The following CFAP57 variants were observed in gnomAD, a reference collection of about 807,000 sequenced individuals.
The protein encoded by CFAP57 is cilia- and flagella-associated protein 57.
In CFAP57, 116 loss-of-function variants were observed where a neutral mutation model predicts 146.8. The ratio of observed to expected loss-of-function variants is 0.79; its 90% CI spans 0.68 to 0.92. The LOEUF (loss-of-function observed/expected upper bound fraction) is 0.92, where lower values mean the gene tolerates loss of function less well. Among genes scored for constraint, CFAP57 ranks in the 40% least tolerant of loss-of-function variants. The probability of loss-of-function intolerance (pLI) is 0.00; values close to 1 mark genes in which losing one functional copy is unlikely to be tolerated. For synonymous variants in CFAP57, 518 were observed against 552.8 expected (o/e 0.94, Z 0.88); for missense variants, 1,377 against 1,527.2 (o/e 0.90, Z 1.64).
At chr1:43,203,969 T>C (rs573322494) in intron 9 of CFAP57, among the ~76,000 whole-genome samples, 2 of 152,342 alleles carry the variant, frequency 1.3e-5, no homozygotes, top group South Asian at 4.1e-4. Flanking sequence ...TACAGTACCA[T>C]ACGTGGGTGC....
At chr1:43,189,976 C>T (rs1420323134) in intron 6 of CFAP57, among the ~76,000 whole-genome samples, 2 of 152,222 alleles carry the variant, frequency 1.3e-5, no homozygotes, top group East Asian at 3.8e-4. Context: ...AAGCACCTCC[C>T]ACCAGGTCCC....
chr1:43,222,768 A>G, intron 15 of CFAP57, 56 bp from the exon 16 acceptor site: 2 of 1,469,666 alleles, frequency 1.4e-6, no homozygotes, highest in Non-Finnish European at 1.8e-6. Flanking sequence ...CCCTGTTGGC[A>G]CAAAGATGTG....
chr1:43,246,316 G>A (rs192456185), intron 22 of CFAP57, among the ~76,000 whole-genome samples: 281 of 152,248 alleles, frequency 1.8e-3, no homozygotes, highest in South Asian at 0.015. Flanking sequence ...TGATACTGGC[G>A]TAAAAACAGA....
chr1:43,214,058 G>A (rs1275684252), intron 11 of CFAP57, among the ~76,000 whole-genome samples: 2 of 151,708 alleles, frequency 1.3e-5, no homozygotes, highest in East Asian at 3.9e-4. Flanking sequence ...GCTAATTTTT[G>A]TATTTTTAGT....
At chr1:43,210,127 C>G (rs775611278) in intron 11 of CFAP57, 8 of 1,608,102 alleles carry the variant, frequency 5.0e-6, no homozygotes, top group Non-Finnish European at 5.1e-6. Flanking sequence ...CAGAGATACA[C>G]CTAAAAATGT....
intron 21 of CFAP57, among the ~76,000 whole-genome samples, chr1:43,237,975 A>G (rs1645767021): frequency 6.6e-6 from 1 of 152,192 alleles, no homozygotes; most frequent in African/African-American, 2.4e-5. Flanking sequence ...AATGACTGTC[A>G]TGTTAAGGGT....
Position 43,206,808 on chromosome 1 carries a change from G to C in CFAP57, c.1631G>C (p.Gly544Ala), listed in dbSNP as rs777350310. ...GAVYEWNLST[G>A]KRETECVLKS... ...GTGTATGAATGGAATCTGTCCACAG[G>C]AAAGAGAGAGACAGAATGCGTGCTC... Residue 544 changes from glycine to alanine, a missense_variant, in exon 10 of 23, where the codon GGA becomes GCA. Coordinates refer to ENST00000372492, the MANE Select transcript of CFAP57 (RefSeq NM_001378189.1). The C allele has an allele frequency of 6.2e-7, 1 of 1,614,172 alleles. No homozygotes were observed. The highest frequency in any genetic ancestry group is 8.5e-7 in the Non-Finnish European group (1 of 1,180,034).
Position 43,186,836 on chromosome 1 carries a change from A to G in CFAP57, c.1099A>G (p.Met367Val). ...TSKNQLYSIT[M>V]SLTEISKGEP... Reference sequence around the variant, plus strand: ...TAAGAACCAACTCTACAGCATCACCATGTCCCTGACAGAGATCAGCAAGGT... The same window carrying G: ...TAAGAACCAACTCTACAGCATCACCGTGTCCCTGACAGAGATCAGCAAGGT... Residue 367 changes from methionine (M) to valine (V), a missense_variant, in exon 6 of 23, where the codon ATG becomes GTG. Coordinates refer to ENST00000372492, the MANE Select transcript of CFAP57 (RefSeq NM_001378189.1). 6.8e-6 allele frequency: 11 copies of G among 1,614,140 alleles called. No homozygotes were observed. The highest frequency in any genetic ancestry group is 9.3e-6 in the Non-Finnish European group (11 of 1,180,012).
At chr1:43,202,200 A>T (rs1471873183) in intron 9 of CFAP57, among the ~76,000 whole-genome samples, 1 of 152,224 alleles carries the variant, frequency 6.6e-6, no homozygotes, top group Non-Finnish European at 1.5e-5. Context: ...TTAAATACAT[A>T]TACTGTGTTA....
At chr1:43,219,340 C>T (rs1456898329) in intron 12 of CFAP57, 42 bp from the exon 13 acceptor site, 1 of 1,532,006 alleles carries the variant, frequency 6.5e-7, no homozygotes, top group Admixed American at 2.0e-5. Context: ...CTGAGTCACC[C>T]TTACTGTCAG....
intron 6 of CFAP57, among the ~76,000 whole-genome samples, chr1:43,190,560 G>A (rs1217103606): frequency 8.6e-5 from 13 of 151,950 alleles, no homozygotes; most frequent in African/African-American, 1.4e-4. Flanking sequence ...GTGAGTCACC[G>A]TGCCCGGCTG....
Position 43,229,254 on chromosome 1 carries a change from C to T in CFAP57, c.3009+2128C>T, listed in dbSNP as rs1418891297. ...GCTAATGGTCAGCTTACTTTCCCCA[C>T]CAGCACACCTGGGGGGACCATTCAT... On this transcript the variant is annotated intron_variant, in intron 18 of 22. Coordinates refer to ENST00000372492, the MANE Select transcript of CFAP57 (RefSeq NM_001378189.1). Among the ~76,000 whole-genome samples, 5 of 149,126 alleles carry T rather than the reference C, an allele frequency of 3.4e-5. 1 individual carries two copies. The highest frequency in any genetic ancestry group is 5.0e-5 in the African/African-American group (2 of 40,004).
chr1:43,236,199 G>A (rs1645681233), intron 21 of CFAP57, among the ~76,000 whole-genome samples: 2 of 151,818 alleles, frequency 1.3e-5, no homozygotes, highest in Non-Finnish European at 2.9e-5. Context: ...AGGGAGTCCT[G>A]TGGATCCAAA....
rs111509672 is a variant in CFAP57 at position 43,185,373 on chromosome 1, A to T, written c.969+17A>T. The T allele has an allele frequency of 6.2e-7, 1 of 1,611,826 alleles. No individual in the cohort carries two copies. Among genetic ancestry groups the T allele is most frequent in the Non-Finnish European group, 8.5e-7 (1 of 1,178,278 alleles). The stretch of plus-strand genomic sequence containing the variant: ...GAAATCAGGGTAAGGCGGGAAGAAA[A>T]AAAAGAAGTAAAATGGGGGTCCTAT... On this transcript the variant is annotated intron_variant, in intron 5 of 22. Coordinates refer to ENST00000372492, the MANE Select transcript of CFAP57 (RefSeq NM_001378189.1).
intron 21 of CFAP57, among the ~76,000 whole-genome samples, chr1:43,236,527 C>T (rs1645697751): frequency 7.7e-6 from 1 of 130,186 alleles, no homozygotes; most frequent in Non-Finnish European, 1.6e-5. Context: ...TGGGGGGTTC[C>T]TGCAAGATTG....
At chr1:43,180,228 TATATATATATAAA>T (rs1645343881) in intron 2 of CFAP57, among the ~76,000 whole-genome samples, 1 of 143,862 alleles carries the variant, frequency 7.0e-6, no homozygotes, top group Admixed American at 7.3e-5. Context: ...ATATTTTATA[TATATATATATAAA>T]ATATATATAC....
rs1195498727 is a variant in CFAP57, at chr1:43,234,136, C to A, written c.3127-143C>A. ...CTGTGTGCCCGTCTAAGTTTCTATG[C>A]CCAGTATGGCCCCTGGCAGTCAGCT... is the stretch of plus-strand genomic sequence containing the variant. On this transcript the variant is annotated intron_variant, in intron 19 of 22. Transcript: ENST00000372492. 8.2e-6 allele frequency: 8 copies of A among 972,978 alleles called. No individual in the cohort carries two copies. The Admixed American group carries it at 9.3e-5, about 11-fold the overall frequency. 60.3% of individuals were successfully genotyped at this position (972,978 alleles called of 1,614,324 possible). A position where few individuals can be genotyped will look rare whatever the true frequency, so the allele number is the denominator to read the frequency against.
Position 43,172,346 on chromosome 1 carries a change from T to G in CFAP57, c.-127T>G. 2.6e-6 allele frequency: 4 copies of G among 1,551,570 alleles called. No homozygotes were observed. The highest frequency in any genetic ancestry group is 3.5e-6 in the Non-Finnish European group (4 of 1,146,978). ...GCAAACCATACTTCCGGTTTGTCGTTGCTATAGGAACCGCTACGGCGTTTG... is the reference window on the plus strand; with the variant it reads ...GCAAACCATACTTCCGGTTTGTCGTGGCTATAGGAACCGCTACGGCGTTTG... On this transcript the variant is annotated 5_prime_UTR_variant, in exon 1 of 23. Coordinates refer to ENST00000372492, the MANE Select transcript of CFAP57 (RefSeq NM_001378189.1).
chr1:43,244,405 G>A (rs1027517702), intron 22 of CFAP57, among the ~76,000 whole-genome samples: 6 of 152,222 alleles, frequency 3.9e-5, no homozygotes, highest in African/African-American at 1.4e-4. Context: ...GCAACTTATT[G>A]TTAGTCTTCA....
Sources: allele counts gnomAD v4.1 joint callset (sites outside exome capture counted in the v4.1 genomes callset), GRCh38; gene constraint gnomAD v4.1.1; transcripts MANE v1.5; gene names NCBI Gene and HGNC (gene_info 2026-07-23, HGNC 2026-07-21).